Variants in ARHGEF9 observed in about 807,000 individuals in gnomAD.
ARHGEF9 encodes rho guanine nucleotide exchange factor 9.
Under a neutral mutation model 41.3 loss-of-function variants are expected in ARHGEF9, and 2 were observed. That is an observed-to-expected ratio of 0.05 (90% CI 0.02 to 0.15). The LOEUF is 0.15. ARHGEF9 is among the 10% of genes least tolerant of loss of function. The pLI, the probability that ARHGEF9 is intolerant of heterozygous loss-of-function variation, is 1.00. For missense variants in ARHGEF9, 225 were observed against 424.7 expected, an observed-to-expected ratio of 0.53 and a Z score of 4.13; for synonymous variants, 160 against 154.4, an observed-to-expected ratio of 1.04 and a Z score of -0.27.
At chrX:63,666,700 T>G (rs141014766) in intron 6 of ARHGEF9, among the ~76,000 whole-genome samples, 125 of 110,659 alleles carry the variant, frequency 1.1e-3, no homozygotes, top group African/African-American at 4.1e-3. Flanking sequence ...ATAATTGTTT[T>G]TCCTTCTCCT....
chrX:63,708,819 C>T (rs1431904574), intron 2 of ARHGEF9, among the ~76,000 whole-genome samples: 1 of 112,151 alleles, frequency 8.9e-6, no homozygotes, highest in Admixed American at 9.4e-5. Flanking sequence ...AAATCACTGC[C>T]CTTTATAGAG....
At chrX:63,751,836 T>TC (rs2055654696) in intron 1 of ARHGEF9, among the ~76,000 whole-genome samples, 3 of 107,978 alleles carry the variant, frequency 2.8e-5, no homozygotes, top group African/African-American at 6.8e-5. Context: ...AGGAGTGTGC[T>TC]CCCCCCCACA....
intron 4 of ARHGEF9, among the ~76,000 whole-genome samples, chrX:63,680,611 T>G (rs2050562944): frequency 8.9e-6 from 1 of 112,433 alleles, no homozygotes; most frequent in Non-Finnish European, 1.9e-5. Context: ...CGTGGCCTCT[T>G]TGGCACAGGG....
rs2049597145 is a variant in ARHGEF9 at position 63,666,665 on chromosome X, G to GAGAAAA, written c.946-654_946-649dup. ...AAGAAGGAAGATGATAACAGAGGGA[G>GAGAAAA]AGAAAAAGAACCCACTCCCCTCTTA... On this transcript the variant is annotated intron_variant, in intron 6 of 9. Coordinates refer to ENST00000671741, the MANE Select transcript of ARHGEF9 (RefSeq NM_001353921.2). 6.4e-5 allele frequency among the ~76,000 whole-genome samples: 7 copies of GAGAAAA among 110,027 alleles called. No homozygotes were observed. The South Asian group carries it at 2.8e-3, about 44-fold the overall frequency.
chrX:63,732,024 G>C (rs2054333148), intron 1 of ARHGEF9: 7 of 111,693 alleles, frequency 6.3e-5, no homozygotes, highest in African/African-American at 2.3e-4. Flanking sequence ...GTGCTTGATA[G>C]GATGCTTTTA....
At chrX:63,740,026 A>T (rs1246978600) in intron 1 of ARHGEF9, among the ~76,000 whole-genome samples, 2 of 111,567 alleles carry the variant, frequency 1.8e-5, no homozygotes, top group East Asian at 5.7e-4. Flanking sequence ...AAACACAAAG[A>T]GGATTCTCTT....
intron 6 of ARHGEF9, among the ~76,000 whole-genome samples, chrX:63,670,930 G>A (rs1318603242): frequency 5.4e-5 from 6 of 111,994 alleles, no homozygotes; most frequent in African/African-American, 1.9e-4. Flanking sequence ...GAAGGGTCAG[G>A]CCTTGATATA....
In ARHGEF9 at chrX:63,684,163, C is replaced by CA. The variant is rs200445894; in HGVS notation, c.583-5592dup. On this transcript the variant is annotated intron_variant, in intron 4 of 9. Transcript: ENST00000671741. ...ATAAGGAACTCACATCACTTCACAG[C>CA]AAAAAAAAACAAATAAACAAATAAA... Among the ~76,000 whole-genome samples, 289 of 104,371 alleles carry CA rather than the reference C, an allele frequency of 2.8e-3. 1 individual carries two copies. The East Asian group carries it at 0.028, about 10-fold the overall frequency. 90.6% of individuals were successfully genotyped at this position (104,371 alleles called of 115,157 possible).
intron 9 of ARHGEF9, chrX:63,640,569 A>G (rs2047562338): frequency 8.9e-6 from 1 of 112,281 alleles, no homozygotes; most frequent in South Asian, 3.7e-4. Context: ...TTAGCATAAA[A>G]CTTTCAAGAA....
At chrX:63,650,429 C>T in intron 8 of ARHGEF9, among the ~76,000 whole-genome samples, 1 of 110,901 alleles carries the variant, frequency 9.0e-6, no homozygotes, top group Non-Finnish European at 1.9e-5. Flanking sequence ...ATTATTTTCC[C>T]TCATACATGG....
Position 63,784,699 on chromosome X carries a change from C to T in ARHGEF9, c.30+417G>A, listed in dbSNP as rs1332296986. Reference sequence around the variant, plus strand: ...TGCAGCTCTCCCATAAGGCCCCCTCCACAATTCCAGGCTTTGTGACCGTCC... The same window carrying T: ...TGCAGCTCTCCCATAAGGCCCCCTCTACAATTCCAGGCTTTGTGACCGTCC... On this transcript the variant is annotated intron_variant, in intron 1 of 9. Transcript: ENST00000671741. Among the ~76,000 whole-genome samples, 9 of 111,125 alleles carry T rather than the reference C, an allele frequency of 8.1e-5. No individual in the cohort carries two copies. The Admixed American group carries it at 8.5e-4, about 11-fold the overall frequency.
chrX:63,775,316 C>G (rs2056274267), intron 1 of ARHGEF9, among the ~76,000 whole-genome samples: 1 of 112,511 alleles, frequency 8.9e-6, no homozygotes, highest in South Asian at 3.6e-4. Flanking sequence ...CCTAGCAATC[C>G]CATTACTGGG....
chrX:63,658,790 T>A (rs1333356133), intron 7 of ARHGEF9, among the ~76,000 whole-genome samples: 1 of 112,031 alleles, frequency 8.9e-6, no homozygotes, highest in East Asian at 2.8e-4. Flanking sequence ...TAACTCTGAA[T>A]ATTTTTTCAA....
intron 6 of ARHGEF9, among the ~76,000 whole-genome samples, chrX:63,671,768 G>C (rs1466759993): frequency 8.9e-6 from 1 of 112,606 alleles, no homozygotes; most frequent in East Asian, 2.8e-4. Flanking sequence ...TGTAGGGGGA[G>C]TCCTCTAAGA....
At chrX:63,783,273 AT>A (rs782452167) in intron 1 of ARHGEF9, among the ~76,000 whole-genome samples, 6,165 of 96,372 alleles carry the variant, frequency 0.064, 216 homozygotes, top group Non-Finnish European at 0.1. Flanking sequence ...TTTTCGGGTA[AT>A]TTTTTTTTTT....
intron 5 of ARHGEF9, among the ~76,000 whole-genome samples, chrX:63,677,448 C>G (rs2050325907): frequency 1.8e-5 from 2 of 112,014 alleles, no homozygotes; most frequent in South Asian, 7.5e-4. Flanking sequence ...AGCTTCCAAG[C>G]TGGCATCAGC....
At chrX:63,674,200 C>T (rs782173780) in intron 5 of ARHGEF9, 33 bp from the exon 6 acceptor site, 2 of 1,203,200 alleles carry the variant, frequency 1.7e-6, no homozygotes, top group African/African-American at 3.5e-5. Context: ...GTTGAACCAA[C>T]CAATGTGCCA....
At chrX:63,750,693 G>GT (rs1490501875) in intron 1 of ARHGEF9, among the ~76,000 whole-genome samples, 13 of 111,027 alleles carry the variant, frequency 1.2e-4, no homozygotes, top group Non-Finnish European at 2.1e-4. Context: ...GAAAAAAATT[G>GT]TTTTTTCAGG....
At chrX:63,670,304 T>C (rs1303716350) in intron 6 of ARHGEF9, 1 of 111,759 alleles carries the variant, frequency 8.9e-6, no homozygotes, top group Non-Finnish European at 1.9e-5. Context: ...GTATGCCTCA[T>C]CAAGCCACTT....
Sources: allele counts gnomAD v4.1 joint callset (sites outside exome capture counted in the v4.1 genomes callset), GRCh38; gene constraint gnomAD v4.1.1; transcripts MANE v1.5; gene names NCBI Gene and HGNC (gene_info 2026-07-23, HGNC 2026-07-21).